The following MPZL3 variants were observed in gnomAD, a reference collection of about 807,000 sequenced individuals.
MPZL3 encodes the protein myelin protein zero-like protein 3.
MPZL3 carries 23 observed loss-of-function variants against 24.8 expected under a neutral mutation model. The ratio of observed to expected loss-of-function variants is 0.93; its 90% CI spans 0.67 to 1.31. MPZL3 has a LOEUF of 1.31. Ranked by LOEUF, MPZL3 falls within the 40% of genes most tolerant of loss-of-function variation. The pLI is 0.00. For synonymous variants in MPZL3, 99 were observed against 106.5 expected (o/e 0.93, Z 0.44); for missense variants, 277 against 294.9 (o/e 0.94, Z 0.44).
At chr11:118,245,504 G>A (rs571384631) in intron 1 of MPZL3, among the ~76,000 whole-genome samples, 3 of 152,344 alleles carry the variant, frequency 2.0e-5, no homozygotes, top group African/African-American at 4.8e-5. Flanking sequence ...CCGACTTGCT[G>A]ATGTCATTCA....
At chr11:118,238,092 G>A (rs1453932195) in intron 2 of MPZL3, among the ~76,000 whole-genome samples, 1 of 151,842 alleles carries the variant, frequency 6.6e-6, no homozygotes, top group Admixed American at 6.6e-5. Context: ...AGCCGAGATT[G>A]TGCCACTGCA....
intron 4 of MPZL3, 66 bp downstream of exon 4, chr11:118,235,358 G>T: frequency 6.6e-7 from 1 of 1,517,536 alleles, no homozygotes; most frequent in Non-Finnish European, 8.9e-7. Flanking sequence ...AGGTGTGGAT[G>T]TGGGGGTCTG....
At chr11:118,233,144 G>A (rs549310608) in intron 5 of MPZL3, among the ~76,000 whole-genome samples, 2 of 152,246 alleles carry the variant, frequency 1.3e-5, no homozygotes, top group Admixed American at 6.5e-5. Context: ...GCCAGTCGAA[G>A]TCTCCTAGTA....
At chr11:118,240,180 A>C (rs1449904862) in intron 2 of MPZL3, 31 bp downstream of exon 2, 4 of 1,508,326 alleles carry the variant, frequency 2.7e-6, no homozygotes, top group Non-Finnish European at 3.5e-6. Flanking sequence ...ACTGTTGACC[A>C]AAGGAACATT....
intron 1 of MPZL3, among the ~76,000 whole-genome samples, chr11:118,245,540 C>T (rs1352494996): frequency 6.6e-6 from 1 of 152,132 alleles, no homozygotes; most frequent in Non-Finnish European, 1.5e-5. Flanking sequence ...TAGAAAAGTA[C>T]TAGGCTTGGC....
At chr11:118,245,242 T>C (rs1464033565) in intron 1 of MPZL3, among the ~76,000 whole-genome samples, 2 of 151,620 alleles carry the variant, frequency 1.3e-5, no homozygotes, top group Admixed American at 1.3e-4. Flanking sequence ...CTACTAAAAA[T>C]GAAAAATTAG....
chr11:118,249,705 A>G (rs1001093126), intron 1 of MPZL3, among the ~76,000 whole-genome samples: 2 of 152,120 alleles, frequency 1.3e-5, no homozygotes, highest in Non-Finnish European at 2.9e-5. Flanking sequence ...TGCACACCTA[A>G]GTAAAAGAGA....
rs1949280822 is a variant in MPZL3 at position 118,227,120 on chromosome 11, A to C, written c.*2774T>G. ...AGATGTTCCCCAAGTAGCCTGAAGT[A>C]ACAGGTCACATGGAAAACACAAAGC... On this transcript the variant is annotated 3_prime_UTR_variant, in exon 6 of 6. Transcript: ENST00000278949. 6.6e-6 allele frequency: 1 copy of C among 152,272 alleles called. No homozygotes were observed. Among genetic ancestry groups the C allele is most frequent in the South Asian group, 2.1e-4 (1 of 4,836 alleles). The allele number at this position is 152,272 out of a possible 1,614,324, so 9.4% of individuals were successfully genotyped here.
intron 4 of MPZL3, 41 bp downstream of exon 4, chr11:118,235,383 G>A (rs757856019): frequency 1.9e-6 from 3 of 1,607,756 alleles, no homozygotes; most frequent in Non-Finnish European, 8.5e-7. Flanking sequence ...GAGCGCTAAG[G>A]AGGAAACAGG....
chr11:118,249,260 G>A (rs1473235507), intron 1 of MPZL3, among the ~76,000 whole-genome samples: 1 of 152,156 alleles, frequency 6.6e-6, no homozygotes, highest in Non-Finnish European at 1.5e-5. Context: ...ATCCTGATTT[G>A]GGTGCTAGTT....
At chr11:118,243,657 A>G (rs1949524927) in intron 1 of MPZL3, among the ~76,000 whole-genome samples, 1 of 152,036 alleles carries the variant, frequency 6.6e-6, no homozygotes, top group Non-Finnish European at 1.5e-5. Context: ...CTGTAGTCCC[A>G]GCTACTCAGG....
At chr11:118,250,292 T>G (rs913656502) in intron 1 of MPZL3, among the ~76,000 whole-genome samples, 1 of 150,852 alleles carries the variant, frequency 6.6e-6, no homozygotes, top group East Asian at 1.9e-4. Flanking sequence ...CCCAAAGTGC[T>G]AGGATTACAG....
intron 5 of MPZL3, among the ~76,000 whole-genome samples, chr11:118,230,927 T>C (rs1193703002): frequency 1.3e-5 from 2 of 152,166 alleles, no homozygotes; most frequent in Admixed American, 1.3e-4. Flanking sequence ...ATTTTTTCCT[T>C]CTCTACTACA....
chr11:118,241,395 C>T (rs549630388), intron 1 of MPZL3, among the ~76,000 whole-genome samples: 2 of 152,286 alleles, frequency 1.3e-5, no homozygotes, highest in African/African-American at 4.8e-5. Flanking sequence ...TGTGATTGAG[C>T]ACGCAGGCCA....
rs754839282 is a variant in MPZL3, at chr11:118,229,842, A to ATGGGATGTTTCC, written c.*40_*51dup. 2 of 1,591,606 alleles carry ATGGGATGTTTCC rather than the reference A, an allele frequency of 1.3e-6. No homozygotes were observed. The highest frequency in any genetic ancestry group is 3.3e-5 in the Admixed American group (2 of 59,746). On this transcript the variant is annotated 3_prime_UTR_variant, in exon 6 of 6. Transcript: ENST00000278949. ...CTGACAGGCTTTAGCTGCCAGTGGAATGGGATGTTTCCTGTCTTTAGGTGA... is the reference window on the plus strand; with the variant it reads ...CTGACAGGCTTTAGCTGCCAGTGGAATGGGATGTTTCCTGGGATGTTTCCTGTCTTTAGGTGA...
chr11:118,233,334 TG>T, intron 5 of MPZL3, 125 bp downstream of exon 5: 1 of 1,014,582 alleles, frequency 9.9e-7, no homozygotes, highest in Non-Finnish European at 1.5e-6. Flanking sequence ...GGAAAGATGC[TG>T]GTTCATATCT....
Position 118,228,052 on chromosome 11 carries a change from CT to C in MPZL3, c.*1841del, listed in dbSNP as rs1949293885. 6.6e-6 allele frequency: 1 copy of C among 152,152 alleles called. No homozygotes were observed. The highest frequency in any genetic ancestry group is 2.4e-5 in the African/African-American group (1 of 41,444). The allele number at this position is 152,152 out of a possible 1,614,324, so 9.4% of individuals were successfully genotyped here. The stretch of plus-strand genomic sequence containing the variant: ...CCCAAAGTACCGTGAGGTTTAACCA[CT>C]GGAAATGTAAACTGCCGGTCCTGTC... On this transcript the variant is annotated 3_prime_UTR_variant, in exon 6 of 6. Coordinates refer to ENST00000278949, the MANE Select transcript of MPZL3 (RefSeq NM_198275.3).
At chr11:118,247,224 G>A (rs201698497) in intron 1 of MPZL3, among the ~76,000 whole-genome samples, 3 of 152,276 alleles carry the variant, frequency 2.0e-5, no homozygotes, top group East Asian at 3.9e-4. Context: ...CCAAAGAGTA[G>A]AGTAGAGAAA....
rs1299742011 is a variant in MPZL3 at position 118,227,159 on chromosome 11, A to C, written c.*2735T>G. 8 of 152,386 alleles carry C rather than the reference A, an allele frequency of 5.2e-5. No homozygotes were observed. In the East Asian group the frequency reaches 1.3e-3, roughly 26 times the overall value. The allele number at this position is 152,386 out of a possible 1,614,324, so 9.4% of individuals were successfully genotyped here. On this transcript the variant is annotated 3_prime_UTR_variant, in exon 6 of 6. Transcript: ENST00000278949. ...AAAACACAAAGCAATTGGTGAGTCC[A>C]CATTTTGTAATAGAATTAAGAGCGT...
Sources: gnomAD v4.1 joint callset for allele counts (sites outside exome capture counted in the v4.1 genomes callset) on GRCh38, gnomAD v4.1.1 for gene constraint, MANE v1.5 for transcripts, NCBI Gene and HGNC (gene_info 2026-07-23, HGNC 2026-07-21) for gene names.